Variants in TBX15 observed in about 807,000 individuals in gnomAD.
The protein encoded by TBX15 is T-box transcription factor TBX15.
A neutral mutation model predicts 53.9 loss-of-function variants in TBX15; 18 were observed. The ratio of observed to expected loss-of-function variants is 0.33; its 90% confidence interval spans 0.23 to 0.49. The LOEUF is 0.49. Among genes scored for constraint, TBX15 ranks in the 20% least tolerant of loss-of-function variants. The pLI is 0.98. For synonymous variants in TBX15, 295 were observed against 278.0 expected (o/e 1.06, Z -0.61); for missense variants, 692 against 749.5 (o/e 0.92, Z 0.90).
chr1:118,964,733 T>C (rs962291148), intron 1 of TBX15, among the ~76,000 whole-genome samples: 1 of 152,250 alleles, frequency 6.6e-6, no homozygotes, highest in Admixed American at 6.5e-5. Flanking sequence ...AGAAGGCATA[T>C]GCACTGGGTC....
At chr1:118,910,031 G>A (rs1238608252) in intron 6 of TBX15, among the ~76,000 whole-genome samples, 1 of 152,206 alleles carries the variant, frequency 6.6e-6, no homozygotes, top group East Asian at 1.9e-4. Context: ...CTTATGGGCT[G>A]AGAGAGACTC....
chr1:118,955,570 G>A (rs994965600), intron 1 of TBX15, among the ~76,000 whole-genome samples: 12 of 152,070 alleles, frequency 7.9e-5, no homozygotes, highest in Admixed American at 5.9e-4. Flanking sequence ...AGAAAACCTT[G>A]GTCTGCTTTT....
At chr1:118,915,946 A>G (rs992075831) in intron 5 of TBX15, among the ~76,000 whole-genome samples, 1 of 152,238 alleles carries the variant, frequency 6.6e-6, no homozygotes, top group Non-Finnish European at 1.5e-5. Context: ...TGGAAATTTA[A>G]TAGCAAATGT....
Position 118,884,334 on chromosome 1 carries a change from ATGTG to A in TBX15, c.*394_*397del. On this transcript the variant is annotated 3_prime_UTR_variant, in exon 8 of 8. Coordinates refer to ENST00000369429, the MANE Select transcript of TBX15 (RefSeq NM_001330677.2). ...GTGTATGAATTGTGTATGAATATGT[ATGTG>A]TGTGTGCACGTATGTATAGGTAGGT... The A allele has an allele frequency of 3.8e-6, 1 of 263,474 alleles. No homozygotes were observed. The allele number at this position is 263,474 out of a possible 1,614,324, so 16.3% of individuals were successfully genotyped here. A position where few individuals can be genotyped will look rare whatever the true frequency, so the allele number is the denominator to read the frequency against.
chr1:118,901,889 T>C (rs1654642023), intron 6 of TBX15, among the ~76,000 whole-genome samples: 1 of 152,100 alleles, frequency 6.6e-6, no homozygotes, highest in African/African-American at 2.4e-5. Context: ...AAGAACAACA[T>C]GCCACCTATG....
At chr1:118,914,244 G>A (rs1655115591) in intron 5 of TBX15, 65 bp from the exon 6 acceptor site, 2 of 1,432,600 alleles carry the variant, frequency 1.4e-6, no homozygotes, top group African/African-American at 1.4e-5. Context: ...AGTACTCCTA[G>A]AAAATTACAA....
chr1:118,976,469 G>T (rs1480620467), intron 1 of TBX15, among the ~76,000 whole-genome samples: 2 of 152,164 alleles, frequency 1.3e-5, no homozygotes, highest in African/African-American at 4.8e-5. Context: ...GTAAAGTCTG[G>T]TTTTTTGGGG....
chr1:118,908,008 C>G (rs1175098046), intron 6 of TBX15, among the ~76,000 whole-genome samples: 1 of 152,166 alleles, frequency 6.6e-6, no homozygotes, highest in Non-Finnish European at 1.5e-5. Context: ...CAATGTCTTA[C>G]AGCAGTGATC....
At chr1:118,981,790 G>A (rs955405322) in intron 1 of TBX15, among the ~76,000 whole-genome samples, 1 of 152,178 alleles carries the variant, frequency 6.6e-6, no homozygotes, top group Non-Finnish European at 1.5e-5. Context: ...TTCCCCCAAA[G>A]AAGTGTAAAC....
At chr1:118,985,547 C>T (rs1657802656) in intron 1 of TBX15, among the ~76,000 whole-genome samples, 1 of 152,186 alleles carries the variant, frequency 6.6e-6, no homozygotes, top group South Asian at 2.1e-4. Context: ...ATTGCGGGGG[C>T]TCCAACTTAA....
chr1:118,910,039 C>A (rs1430812442), intron 6 of TBX15, among the ~76,000 whole-genome samples: 2 of 152,174 alleles, frequency 1.3e-5, no homozygotes, highest in Non-Finnish European at 2.9e-5. Context: ...CTGAGAGAGA[C>A]TCTCATAGGC....
rs564090996 is a variant in TBX15 at position 118,950,632 on chromosome 1, G to A, written c.206-18800C>T. Among the ~76,000 whole-genome samples, 141 of 152,292 alleles carry A rather than the reference G, an allele frequency of 9.3e-4. 1 individual carries two copies. Among genetic ancestry groups the A allele is most frequent in the Non-Finnish European group, 1.3e-3 (91 of 68,024 alleles). Reference sequence around the variant, plus strand: ...GAAGTGGTAGTGGACTGAGCTGCCTGACCTCTCATGTGGTTTTGTTGTTGC... The same window carrying A: ...GAAGTGGTAGTGGACTGAGCTGCCTAACCTCTCATGTGGTTTTGTTGTTGC... On this transcript the variant is annotated intron_variant, in intron 1 of 7. Transcript: ENST00000369429.
chr1:118,960,081 AAG>A (rs1157712795), intron 1 of TBX15, among the ~76,000 whole-genome samples: 1 of 151,962 alleles, frequency 6.6e-6, no homozygotes, highest in East Asian at 1.9e-4. Flanking sequence ...AAAAAAAAAA[AAG>A]AAGAGAAAAG....
intron 1 of TBX15, among the ~76,000 whole-genome samples, chr1:118,971,514 C>T (rs1445352098): frequency 6.6e-6 from 1 of 152,200 alleles, no homozygotes; most frequent in Non-Finnish European, 1.5e-5. Flanking sequence ...AGACACAGTG[C>T]TCTCCAGGGT....
At chr1:118,983,585 C>T (rs1197658836) in intron 1 of TBX15, among the ~76,000 whole-genome samples, 2 of 152,240 alleles carry the variant, frequency 1.3e-5, no homozygotes, top group Non-Finnish European at 2.9e-5. Context: ...CACAAGGTCA[C>T]TTACCAAAAG....
At chr1:118,886,834 G>T (rs893387167) in intron 7 of TBX15, among the ~76,000 whole-genome samples, 2 of 152,214 alleles carry the variant, frequency 1.3e-5, no homozygotes, top group South Asian at 4.1e-4. Context: ...CTTTGGGTTA[G>T]AGGAACTCCA....
At position 118,931,722 on chromosome 1, in the gene TBX15, C is replaced by T; in HGVS notation, c.316G>A (p.Ala106Thr). 5 of 1,614,028 alleles carry T rather than the reference C, an allele frequency of 3.1e-6. No individual in the cohort carries two copies. The highest frequency in any genetic ancestry group is 4.2e-6 in the Non-Finnish European group (5 of 1,179,952). The change falls in exon 2 of 8, where the codon GCC becomes ACC. Residue 106 changes from alanine (A) to threonine (T), a missense_variant. Transcript: ENST00000369429. ...ASGAAGPVPA[A>T]MSSMEEIQVE... The stretch of plus-strand genomic sequence containing the variant: ...TGAATCTCCTCCATGGAAGACATGG[C>T]AGCAGGCACAGGGCCTGCAGCACCA...
chr1:118,960,283 G>A (rs1012817148), intron 1 of TBX15, among the ~76,000 whole-genome samples: 8 of 152,244 alleles, frequency 5.3e-5, no homozygotes, highest in South Asian at 2.1e-4. Context: ...GCCACCTTCC[G>A]CCCAGTTCAG....
intron 1 of TBX15, among the ~76,000 whole-genome samples, chr1:118,939,351 T>C (rs924304266): frequency 7.4e-5 from 10 of 135,094 alleles, no homozygotes; most frequent in African/African-American, 2.9e-4. Flanking sequence ...GAGGCTGCAG[T>C]GAGCTGTGAT....
Sources: allele counts gnomAD v4.1 joint callset (sites outside exome capture counted in the v4.1 genomes callset), GRCh38; gene constraint gnomAD v4.1.1; transcripts MANE v1.5; gene names NCBI Gene and HGNC (gene_info 2026-07-23, HGNC 2026-07-21).